Variants in CHRNG observed in about 807,000 individuals in gnomAD.
CHRNG encodes the protein acetylcholine receptor subunit gamma.
In CHRNG, 72 loss-of-function variants were observed where a neutral mutation model predicts 65.2. That is an observed-to-expected ratio of 1.10 (90% CI 0.91 to 1.34). The LOEUF (loss-of-function observed/expected upper bound fraction) is 1.34, where lower values mean the gene tolerates loss of function less well. Among genes scored for constraint, CHRNG ranks in the 40% most tolerant of loss-of-function variants. CHRNG has a pLI of 0.00. For missense variants in CHRNG, 637 were observed against 680.1 expected, an observed-to-expected ratio of 0.94 and a Z score of 0.70; for synonymous variants, 284 against 290.2, an observed-to-expected ratio of 0.98 and a Z score of 0.22.
At chr2:232,543,977 C>G (rs1231751802) in intron 9 of CHRNG, among the ~76,000 whole-genome samples, 1 of 152,230 alleles carries the variant, frequency 6.6e-6, no homozygotes, top group Non-Finnish European at 1.5e-5. Flanking sequence ...AAGTAACCTG[C>G]CCAAGGAAGT....
rs1297978725 is a variant in CHRNG at position 232,547,572 on chromosome 2, C to T, written c.*1856C>T. 6.6e-6 allele frequency among the ~76,000 whole-genome samples: 1 copy of T among 152,124 alleles called. No individual in the cohort carries two copies. Among genetic ancestry groups the T allele is most frequent in the Non-Finnish European group, 1.5e-5 (1 of 68,048 alleles). ...TTTGGGATTCAATCACCAGCAAGTT[C>T]GTATTATTTACTCCAGTGTGAGTCT... On this transcript the variant is annotated 3_prime_UTR_variant, in exon 12 of 12. Coordinates refer to ENST00000651502, the MANE Select transcript of CHRNG (RefSeq NM_005199.5).
At position 232,546,148 on chromosome 2, in the gene CHRNG, T is replaced by G. The variant is rs1286449378; in HGVS notation, c.*432T>G. The G allele has an allele frequency of 3.3e-6, 1 of 304,516 alleles. No individual in the cohort carries two copies. The highest frequency in any genetic ancestry group is 2.2e-5 in the African/African-American group (1 of 46,056). The allele number at this position is 304,516 out of a possible 1,614,324, so 18.9% of individuals were successfully genotyped here. A position where few individuals can be genotyped will look rare whatever the true frequency, so the allele number is the denominator to read the frequency against. Reference sequence around the variant, plus strand: ...AGGTGTGAAGAGTAGCAGCCGATGCTCTCTCCAAAGCAGGGCAGCAGCCCA... The same window carrying G: ...AGGTGTGAAGAGTAGCAGCCGATGCGCTCTCCAAAGCAGGGCAGCAGCCCA... On this transcript the variant is annotated 3_prime_UTR_variant, in exon 12 of 12. Transcript: ENST00000651502.
chr2:232,543,176 G>C, intron 7 of CHRNG, 94 bp downstream of exon 7: 1 of 1,524,234 alleles, frequency 6.6e-7, no homozygotes, highest in Middle Eastern at 1.7e-4. Flanking sequence ...GTGGCATTAC[G>C]ACCCAGGACA....
rs1266012765 is a variant in CHRNG at position 232,540,692 on chromosome 2, G to A, written c.331G>A (p.Asp111Asn). Residue 111 changes from aspartate (D) to asparagine (N), a missense_variant, in exon 4 of 12, where the codon GAT becomes AAT. Asp to Asn is a conservative substitution (Grantham distance 23). Coordinates refer to ENST00000651502, the MANE Select transcript of CHRNG (RefSeq NM_005199.5). This position sits in a 1 kb window ranked among gnomAD's most constrained non-coding sequence, Gnocchi z 4.2. ...GCCGTCCACCATGGTGTGGCGGCCG[G>A]ATATCGTGCTGGAGAACAAGTGAGG... ...RVPSTMVWRP[D>N]IVLENNVDGV... 2.5e-6 allele frequency: 4 copies of A among 1,611,906 alleles called. No homozygotes were observed. The highest frequency in any genetic ancestry group is 3.3e-5 in the Admixed American group (2 of 59,956).
chr2:232,541,521 T>C lies in CHRNG; in HGVS notation c.498T>C (p.Leu166=). 1 of 1,613,820 alleles carries C rather than the reference T, an allele frequency of 6.2e-7. No homozygotes were observed. The highest frequency in any genetic ancestry group is 1.1e-5 in the South Asian group (1 of 91,060). Residue 166 remains leucine, a synonymous_variant, in exon 5 of 12, where the codon CTT becomes CTC. Coordinates refer to ENST00000651502, the MANE Select transcript of CHRNG (RefSeq NM_005199.5). This position sits in a 1 kb window ranked among gnomAD's most constrained non-coding sequence, Gnocchi z 4.0. The stretch of plus-strand genomic sequence containing the variant: ...CCTTCGACTGGCAGAACTGCTCCCT[T>C]ATCTTCCAGTGAGGCCATTTATTGG... The part of the protein sequence containing the change: ...YFPFDWQNCS[L]IFQSQTYSTN...
chr2:232,539,971 GC>G lies in CHRNG; in HGVS notation c.56-20del, dbSNP rs1381563730. On this transcript the variant is annotated intron_variant, in intron 1 of 11. Coordinates refer to ENST00000651502, the MANE Select transcript of CHRNG (RefSeq NM_005199.5). ...CTTTCCACCTCCAAGCTCCTGCTAG[GC>G]TCACGCCTGTCTATTGCAGGGGCCC... 6.2e-7 allele frequency: 1 copy of G among 1,614,034 alleles called. No individual in the cohort carries two copies. The highest frequency in any genetic ancestry group is 1.1e-5 in the South Asian group (1 of 91,084).
intron 7 of CHRNG, 67 bp downstream of exon 7, chr2:232,543,149 C>A: frequency 6.4e-7 from 1 of 1,562,334 alleles, no homozygotes; most frequent in Non-Finnish European, 8.8e-7. Flanking sequence ...CGGGGTGGGC[C>A]CTGCCTGGGG....
Position 232,545,614 on chromosome 2 carries a change from C to A in CHRNG, c.1452C>A (p.Phe484Leu). The A allele has an allele frequency of 6.2e-7, 1 of 1,614,160 alleles. No individual in the cohort carries two copies. ...GCTTCCTGGCCATGCTCTCGCTCTT[C>A]ATCTGTGGCACAGCTGGCATCTTCC... ...RVCFLAMLSL[F>L]ICGTAGIFLM... is the part of the protein sequence containing the mutation. The change falls in exon 12 of 12, where the codon TTC (phenylalanine) becomes TTA (leucine). Residue 484 changes from phenylalanine (F) to leucine (L), a missense_variant. Physicochemically the swap from Phe to Leu is conservative, Grantham distance 22. Transcript: ENST00000651502.
Position 232,540,004 on chromosome 2 carries a change from G to A in CHRNG, c.68G>A (p.Arg23Gln), listed in dbSNP as rs528366118. The change falls in exon 2 of 12, where the codon CGG becomes CAG. Residue 23 changes from arginine to glutamine, a missense_variant. Coordinates refer to ENST00000651502, the MANE Select transcript of CHRNG (RefSeq NM_005199.5). This position sits in a 1 kb window ranked among gnomAD's most constrained non-coding sequence, Gnocchi z 4.2. ...LLAVCLGAQG[R>Q]NQEERLLADL... is the part of the protein sequence containing the mutation. ...CTGTCTATTGCAGGGGCCCAGGGCC[G>A]GAACCAGGAGGAGCGCCTGCTCGCA... 1.5e-5 allele frequency: 25 copies of A among 1,614,182 alleles called. 1 individual carries two copies. Among genetic ancestry groups the A allele is most frequent in the East Asian group, 1.3e-4 (6 of 44,882 alleles).
intron 10 of CHRNG, 57 bp from the exon 11 acceptor site, chr2:232,544,715 T>C: frequency 6.2e-7 from 1 of 1,608,074 alleles, no homozygotes; most frequent in South Asian, 1.1e-5. Flanking sequence ...AGAGGCCATC[T>C]TCTCTGCCTG....
rs1008543660 is a variant in CHRNG, at chr2:232,540,952, G to T, written c.350+241G>T. 9.2e-5 allele frequency among the ~76,000 whole-genome samples: 14 copies of T among 152,042 alleles called. No homozygotes were observed. Among genetic ancestry groups the T allele is most frequent in the Non-Finnish European group, 1.8e-4 (12 of 68,008 alleles). On this transcript the variant is annotated intron_variant, in intron 4 of 11. Coordinates refer to ENST00000651502, the MANE Select transcript of CHRNG (RefSeq NM_005199.5). The surrounding 1 kb of genome is among the most constrained non-coding windows in gnomAD (Gnocchi z 4.2). ...CCATCTCCTCTGGGCTGGGCCACCT[G>T]GGTGGGCTGCTCCCTTCCCTGTAAC...
chr2:232,541,617 C>T lies in CHRNG; in HGVS notation c.506+88C>T, dbSNP rs1345652816. 6.5e-6 allele frequency: 10 copies of T among 1,531,540 alleles called. No individual in the cohort carries two copies. Among genetic ancestry groups the T allele is most frequent in the Non-Finnish European group, 7.2e-6 (8 of 1,117,580 alleles). The allele number at this position is 1,531,540 out of a possible 1,614,324, so 94.9% of individuals were successfully genotyped here. A position where few individuals can be genotyped will look rare whatever the true frequency, so the allele number is the denominator to read the frequency against. ...GGTAAGGCCTGGGCAAGGCTTCTGG[C>T]CTTGGCTCTGGCAGCACCTAGAGGC... On this transcript the variant is annotated intron_variant, in intron 5 of 11. Transcript: ENST00000651502. This position sits in a 1 kb window ranked among gnomAD's most constrained non-coding sequence, Gnocchi z 4.0.
rs1342280903 is a variant in CHRNG, at chr2:232,540,669, C to T, written c.308C>T (p.Pro103Leu). ...GAAGGCCTGTGGGTGCTGAGGGTGC[C>T]GTCCACCATGGTGTGGCGGCCGGAT... ...DYEGLWVLRV[P>L]STMVWRPDIV... Residue 103 changes from proline (P) to leucine (L), a missense_variant, in exon 4 of 12, where the codon CCG becomes CTG. By Grantham distance (98) the Pro-to-Leu change is moderately conservative. Coordinates refer to ENST00000651502, the MANE Select transcript of CHRNG (RefSeq NM_005199.5). The surrounding 1 kb of genome is among the most constrained non-coding windows in gnomAD (Gnocchi z 4.2). The T allele has an allele frequency of 7.4e-6, 12 of 1,613,008 alleles. No individual in the cohort carries two copies. Among genetic ancestry groups the T allele is most frequent in the African/African-American group, 1.3e-5 (1 of 74,908 alleles).
At position 232,547,122 on chromosome 2, in the gene CHRNG, C is replaced by T. The variant is rs1692146717; in HGVS notation, c.*1406C>T. 6.6e-6 allele frequency among the ~76,000 whole-genome samples: 1 copy of T among 152,162 alleles called. No individual in the cohort carries two copies. The highest frequency in any genetic ancestry group is 6.5e-5 in the Admixed American group (1 of 15,274). ...AATAAGGTGCAAAAAATAATCCATT[C>T]CTGGCCAGGTGTGGTGGCTCACACC... is the stretch of plus-strand genomic sequence containing the variant. On this transcript the variant is annotated 3_prime_UTR_variant, in exon 12 of 12. Transcript: ENST00000651502.
Position 232,543,407 on chromosome 2 carries a change from G to A in CHRNG, c.920+18G>A, listed in dbSNP as rs1463393060. 1 of 1,553,728 alleles carries A rather than the reference G, an allele frequency of 6.4e-7. No individual in the cohort carries two copies. The highest frequency in any genetic ancestry group is 8.9e-7 in the Non-Finnish European group (1 of 1,128,460). On this transcript the variant is annotated intron_variant, in intron 8 of 11. Coordinates refer to ENST00000651502, the MANE Select transcript of CHRNG (RefSeq NM_005199.5). ...ATCAGCAAGTAAGGCTGGTCTTCAT[G>A]TCCACCCGCCTATGCCACTCTCCCT...
Position 232,540,787 on chromosome 2 carries a change from G to T in CHRNG, c.350+76G>T. ...GGGCCCAGCAGAACAAGGCACTCTG[G>T]GAAAAGAGAAAGATGAGCAGAGGGT... On this transcript the variant is annotated intron_variant, in intron 4 of 11. Transcript: ENST00000651502. The surrounding 1 kb of genome is among the most constrained non-coding windows in gnomAD (Gnocchi z 4.2). The T allele has an allele frequency of 7.5e-7, 1 of 1,328,942 alleles. No homozygotes were observed. Among genetic ancestry groups the T allele is most frequent in the Non-Finnish European group, 1.1e-6 (1 of 949,978 alleles). 82.3% of individuals were successfully genotyped at this position (1,328,942 alleles called of 1,614,324 possible). A position where few individuals can be genotyped will look rare whatever the true frequency, so the allele number is the denominator to read the frequency against.
At chr2:232,545,507 G>C in intron 11 of CHRNG, 36 bp from the exon 12 acceptor site, 1 of 1,597,976 alleles carries the variant, frequency 6.3e-7, no homozygotes, top group Non-Finnish European at 8.5e-7. Flanking sequence ...ACCTGGTGCC[G>C]CCGCTGGTTA....
rs538738265 is a variant in CHRNG, at chr2:232,541,114, T to C, written c.351-260T>C. Among the ~76,000 whole-genome samples, 561 of 151,030 alleles carry C rather than the reference T, an allele frequency of 3.7e-3. 2 individuals are homozygous for C. Among genetic ancestry groups the C allele is most frequent in the African/African-American group, 0.013 (523 of 40,966 alleles). On this transcript the variant is annotated intron_variant, in intron 4 of 11. Transcript: ENST00000651502. The surrounding 1 kb of genome is among the most constrained non-coding windows in gnomAD (Gnocchi z 4.0). ...TTATGACTATTATTATTATTATTATTATTATGATTAAAACAAGAGAGAGTA... is the reference window on the plus strand; with the variant it reads ...TTATGACTATTATTATTATTATTATCATTATGATTAAAACAAGAGAGAGTA...
In CHRNG at chr2:232,541,230, G is replaced by C; in HGVS notation, c.351-144G>C. The C allele has an allele frequency of 1.0e-6, 1 of 1,001,936 alleles. No homozygotes were observed. The highest frequency in any genetic ancestry group is 1.5e-6 in the Non-Finnish European group (1 of 645,922). 62.1% of individuals were successfully genotyped at this position (1,001,936 alleles called of 1,614,324 possible). ...TTGCTGGGGGGACCTAGTGGTCCGG[G>C]TGGGAACCAGTCAGGGGGTGACAGG... On this transcript the variant is annotated intron_variant, in intron 4 of 11. Coordinates refer to ENST00000651502, the MANE Select transcript of CHRNG (RefSeq NM_005199.5). This position sits in a 1 kb window ranked among gnomAD's most constrained non-coding sequence, Gnocchi z 4.0.
Sources: allele counts gnomAD v4.1 joint callset (sites outside exome capture counted in the v4.1 genomes callset), GRCh38; gene constraint gnomAD v4.1.1; non-coding constraint Gnocchi (gnomAD v3.1); transcripts MANE v1.5; gene names NCBI Gene and HGNC (gene_info 2026-07-23, HGNC 2026-07-21).